The following USP10 variants were observed in gnomAD, a reference collection of about 807,000 sequenced individuals.
The protein encoded by USP10 is ubiquitin specific peptidase 10.
USP10 carries 22 observed loss-of-function variants against 84.5 expected under a neutral mutation model. The observed-to-expected ratio is 0.26, with a 90% confidence interval of 0.19 to 0.37. The LOEUF is 0.37. Ranked by LOEUF, USP10 falls within the 10% of genes least tolerant of loss-of-function variation. The pLI is 1.00. For missense variants in USP10, 1,019 were observed against 998.9 expected (o/e 1.02, Z -0.27); for synonymous variants, 454 against 387.6 (o/e 1.17, Z -2.01).
chr16:84,768,464 A>G, intron 11 of USP10, 106 bp downstream of exon 11: 1 of 1,142,714 alleles, frequency 8.8e-7, no homozygotes, highest in Non-Finnish European at 1.2e-6. Flanking sequence ...ATGCCTCTTA[A>G]ATCAGTTGCT....
At chr16:84,730,082 C>T (rs77404885) in intron 1 of USP10, among the ~76,000 whole-genome samples, 2 of 152,058 alleles carry the variant, frequency 1.3e-5, no homozygotes, top group Non-Finnish European at 2.9e-5. Context: ...CCCAAGAAAA[C>T]CCTCCAAAAA....
At chr16:84,717,426 C>T (rs1217843599) in intron 1 of USP10, among the ~76,000 whole-genome samples, 1 of 152,166 alleles carries the variant, frequency 6.6e-6, no homozygotes, top group African/African-American at 2.4e-5. Flanking sequence ...GCTGTATGTC[C>T]TCCTTCCCTG....
At position 84,744,723 on chromosome 16, in the gene USP10, G is replaced by A; in HGVS notation, c.242G>A (p.Ser81Asn). Reference sequence around the variant, plus strand: ...AGAACCCCCAGCTACAGTATTTCAAGCACACTGAACCCTCAGGCCCCTGAA... The same window carrying A: ...AGAACCCCCAGCTACAGTATTTCAAACACACTGAACCCTCAGGCCCCTGAA... ...LPRTPSYSIS[S>N]TLNPQAPEFI... The change falls in exon 4 of 14, where the codon AGC becomes AAC. Residue 81 changes from serine to asparagine, a missense_variant. By Grantham distance (46) the Ser-to-Asn change is conservative. This residue lies in a region of USP10 where 787 missense variants were observed against 708.8 expected (regional missense o/e 1.11). Coordinates refer to ENST00000219473, the MANE Select transcript of USP10 (RefSeq NM_005153.3). 6.2e-7 allele frequency: 1 copy of A among 1,613,638 alleles called. No homozygotes were observed. Among genetic ancestry groups the A allele is most frequent in the Admixed American group, 1.7e-5 (1 of 59,992 alleles).
chr16:84,715,561 T>C, intron 1 of USP10, among the ~76,000 whole-genome samples: 1 of 152,134 alleles, frequency 6.6e-6, no homozygotes, highest in Non-Finnish European at 1.5e-5. Context: ...TTTATATGAA[T>C]CCTCTGGTCA....
intron 1 of USP10, among the ~76,000 whole-genome samples, chr16:84,725,699 C>A (rs1012358329): frequency 6.6e-6 from 1 of 152,132 alleles, no homozygotes; most frequent in Non-Finnish European, 1.5e-5. Context: ...CCACCGTGCC[C>A]GGCCTGTCTG....
chr16:84,743,149 C>T (rs1013345987), intron 3 of USP10, among the ~76,000 whole-genome samples: 6 of 152,172 alleles, frequency 3.9e-5, no homozygotes, highest in East Asian at 1.9e-4. Context: ...AAATTCATTT[C>T]CCCTTGATAT....
chr16:84,703,299 T>C (rs1905119133), intron 1 of USP10, among the ~76,000 whole-genome samples: 1 of 152,178 alleles, frequency 6.6e-6, no homozygotes, highest in South Asian at 2.1e-4. Context: ...ACCGAAAAAA[T>C]ATTTGTGATT....
chr16:84,729,264 A>AT (rs1275472371), intron 1 of USP10, among the ~76,000 whole-genome samples: 3 of 152,246 alleles, frequency 2.0e-5, no homozygotes, highest in Admixed American at 2.0e-4. Context: ...AATGGTTACC[A>AT]TGCCAGCTTA....
At position 84,745,188 on chromosome 16, in the gene USP10, C is replaced by T; in HGVS notation, c.707C>T (p.Thr236Ile). Residue 236 changes from threonine (T) to isoleucine (I), a missense_variant, in exon 4 of 14, where the codon ACC becomes ATC. Transcript: ENST00000219473. ...TTCCCCGGAGCACTCGGCAGTGACA[C>T]CAGGACTGCAGGGCAGCCAGAGGGG... ...SPFPGALGSD[T>I]RTAGQPEGGP... 2 of 1,613,342 alleles carry T rather than the reference C, an allele frequency of 1.2e-6. No individual in the cohort carries two copies. Among genetic ancestry groups the T allele is most frequent in the Non-Finnish European group, 1.7e-6 (2 of 1,179,638 alleles).
intron 10 of USP10, among the ~76,000 whole-genome samples, chr16:84,765,476 CTT>C (rs11395693): frequency 3.5e-5 from 5 of 143,990 alleles, no homozygotes; most frequent in African/African-American, 7.7e-5. Flanking sequence ...GTAGTTTCGT[CTT>C]TTTTTTTTTT....
chr16:84,779,063 G>A lies in USP10; in HGVS notation c.2378G>A (p.Arg793His). 4.3e-6 allele frequency: 7 copies of A among 1,613,704 alleles called. No homozygotes were observed. Among genetic ancestry groups the A allele is most frequent in the Middle Eastern group, 1.7e-4 (1 of 6,056 alleles). Residue 793 changes from arginine (R) to histidine (H), a missense_variant, in exon 14 of 14, where the codon CGC becomes CAC. By Grantham distance (29) the Arg-to-His change is conservative. Transcript: ENST00000219473. ...AERTAYLLYY[R>H]RVDLL Reference sequence around the variant, plus strand: ...CGCACAGCCTACCTCCTGTATTACCGCCGAGTGGACCTGCTGTAAACCCTG... The same window carrying A: ...CGCACAGCCTACCTCCTGTATTACCACCGAGTGGACCTGCTGTAAACCCTG...
At chr16:84,767,186 C>G (rs1210528222) in intron 10 of USP10, among the ~76,000 whole-genome samples, 1 of 152,048 alleles carries the variant, frequency 6.6e-6, no homozygotes, top group Non-Finnish European at 1.5e-5. Context: ...AGCCTGAGTA[C>G]CTGTCCACAC....
chr16:84,700,591 C>A lies in USP10; in HGVS notation c.21+480C>A, dbSNP rs1401027541. On this transcript the variant is annotated intron_variant, in intron 1 of 13. Coordinates refer to ENST00000219473, the MANE Select transcript of USP10 (RefSeq NM_005153.3). ...TGTTGCCCCTTTGCCCCAAGAGCTTCCTTTCTCAGCTTGATTGATGATGCG... is the reference window on the plus strand; with the variant it reads ...TGTTGCCCCTTTGCCCCAAGAGCTTACTTTCTCAGCTTGATTGATGATGCG... 2.0e-5 allele frequency among the ~76,000 whole-genome samples: 3 copies of A among 152,154 alleles called. No homozygotes were observed. The East Asian group carries it at 5.8e-4, about 29-fold the overall frequency.
rs557268114 is a variant in USP10 at position 84,711,537 on chromosome 16, A to G, written c.21+11426A>G. ...TGCTGTTGTTGCTCATGGATTCGTC[A>G]GGTGAGGAAATTCTAGTCTCTAGTT... is the stretch of plus-strand genomic sequence containing the variant. On this transcript the variant is annotated intron_variant, in intron 1 of 13. Transcript: ENST00000219473. Among the ~76,000 whole-genome samples the G allele has an allele frequency of 3.3e-5, 5 of 152,288 alleles. No individual in the cohort carries two copies. In the South Asian group the frequency reaches 6.2e-4, roughly 19 times the overall value.
chr16:84,732,969 G>C lies in USP10; in HGVS notation c.22-466G>C, dbSNP rs371386983. 2.7e-5 allele frequency: 11 copies of C among 410,746 alleles called. 1 individual carries two copies. Among genetic ancestry groups the C allele is most frequent in the Admixed American group, 2.6e-4 (8 of 30,488 alleles). The allele number at this position is 410,746 out of a possible 1,614,324, so 25.4% of individuals were successfully genotyped here. ...AAGAAGTTATATAGATATTTTTAAAGATCATTAATCAGGATCATTAACATT... is the reference window on the plus strand; with the variant it reads ...AAGAAGTTATATAGATATTTTTAAACATCATTAATCAGGATCATTAACATT... On this transcript the variant is annotated intron_variant, in intron 1 of 13. Transcript: ENST00000219473.
At chr16:84,773,358 C>G (rs1381918369) in intron 12 of USP10, among the ~76,000 whole-genome samples, 1 of 152,190 alleles carries the variant, frequency 6.6e-6, no homozygotes, top group African/African-American at 2.4e-5. Context: ...AAAGAGGACA[C>G]TGGGCCTCAC....
At chr16:84,776,255 A>G (rs537031942) in intron 13 of USP10, among the ~76,000 whole-genome samples, 50 of 152,070 alleles carry the variant, frequency 3.3e-4, no homozygotes, top group Non-Finnish European at 5.4e-4. Flanking sequence ...TGTTTTAGGA[A>G]GTTTGGCGAG....
At chr16:84,720,721 A>G (rs945130036) in intron 1 of USP10, among the ~76,000 whole-genome samples, 2 of 150,348 alleles carry the variant, frequency 1.3e-5, no homozygotes, top group Non-Finnish European at 2.9e-5. Context: ...AGTTAGGACT[A>G]CAGGTGCCCG....
Position 84,779,737 on chromosome 16 carries a change from G to T in USP10, c.*655G>T, listed in dbSNP as rs1161963903. On this transcript the variant is annotated 3_prime_UTR_variant, in exon 14 of 14. Transcript: ENST00000219473. ...TATTGCCATTAAAAGATTTCAAATT[G>T]CATTCATGCTTCTGTGTACACATAA... 1 of 152,658 alleles carries T rather than the reference G, an allele frequency of 6.6e-6. No individual in the cohort carries two copies. Among genetic ancestry groups the T allele is most frequent in the Non-Finnish European group, 1.5e-5 (1 of 68,070 alleles). 9.5% of individuals were successfully genotyped at this position (152,658 alleles called of 1,614,324 possible).
Sources: allele counts gnomAD v4.1 joint callset (sites outside exome capture counted in the v4.1 genomes callset), GRCh38; gene constraint gnomAD v4.1.1; regional missense constraint gnomAD v4.1.1; transcripts MANE v1.5; gene names NCBI Gene and HGNC (gene_info 2026-07-23, HGNC 2026-07-21).